KDM5A: variants seen among roughly 807,000 people sequenced by gnomAD.
KDM5A encodes the protein lysine-specific demethylase 5A.
In KDM5A, 42 loss-of-function variants were observed where a neutral mutation model predicts 193.5. The ratio of observed to expected loss-of-function variants is 0.22; its 90% confidence interval spans 0.17 to 0.28. The LOEUF (loss-of-function observed/expected upper bound fraction) is 0.28, where lower values mean the gene tolerates loss of function less well. Among genes scored for constraint, KDM5A ranks in the 10% least tolerant of loss-of-function variants. The probability of loss-of-function intolerance (pLI) is 1.00; values close to 1 mark genes in which losing one functional copy is unlikely to be tolerated. For synonymous variants in KDM5A, 796 were observed against 718.1 expected (o/e 1.11, Z -1.73); for missense variants, 1,692 against 2,055.1 (o/e 0.82, Z 3.42).
intron 13 of KDM5A, 29 bp from the exon 14 acceptor site, chr12:329,058 C>T: frequency 6.3e-7 from 1 of 1,597,564 alleles, no homozygotes; most frequent in Non-Finnish European, 8.6e-7. Context: ...AATTAAATAA[C>T]TCGCTTATAA....
chr12:306,911 A>C (rs1249257608), intron 24 of KDM5A, 35 bp downstream of exon 24: 1 of 1,600,306 alleles, frequency 6.2e-7, no homozygotes, highest in Non-Finnish European at 8.6e-7. Flanking sequence ...CCCAATGATC[A>C]GGTATGTACC....
At chr12:306,355 A>G (rs776319784) in intron 24 of KDM5A, among the ~76,000 whole-genome samples, 15 of 152,194 alleles carry the variant, frequency 9.9e-5, no homozygotes, top group Non-Finnish European at 2.1e-4. Context: ...AAATTGGCCA[A>G]GAAAGCTTTA....
chr12:293,315 TGGA>T, intron 26 of KDM5A, 146 bp from the exon 27 acceptor site: 2 of 683,238 alleles, frequency 2.9e-6, no homozygotes, highest in Non-Finnish European at 4.7e-6. Context: ...GAAGAAGAAA[TGGA>T]GATTTGTTTA....
At chr12:289,580 T>C (rs1374400375) in intron 27 of KDM5A, among the ~76,000 whole-genome samples, 2 of 152,008 alleles carry the variant, frequency 1.3e-5, no homozygotes, top group East Asian at 3.9e-4. Flanking sequence ...GTGGGCATAG[T>C]GGTGTGTGCC....
At chr12:314,248 T>C (rs2137398503) in intron 19 of KDM5A, among the ~76,000 whole-genome samples, 1 of 152,312 alleles carries the variant, frequency 6.6e-6, no homozygotes, top group South Asian at 2.1e-4. Flanking sequence ...CAGGCTGAAG[T>C]GCAGTGGCGC....
chr12:370,597 G>C (rs1260412873), intron 3 of KDM5A, among the ~76,000 whole-genome samples: 1 of 138,806 alleles, frequency 7.2e-6, no homozygotes, highest in Non-Finnish European at 1.6e-5. Context: ...GACCAAAACA[G>C]CTGGGAACAG....
intron 10 of KDM5A, among the ~76,000 whole-genome samples, chr12:342,730 C>T (rs1017620239): frequency 6.1e-5 from 9 of 147,574 alleles, no homozygotes; most frequent in African/African-American, 2.0e-4. Context: ...CCAAAGGGCT[C>T]GAATTACAGG....
At position 283,497 on chromosome 12, in the gene KDM5A, T is replaced by C; in HGVS notation, c.*1959A>G. On this transcript the variant is annotated 3_prime_UTR_variant, in exon 28 of 28. Transcript: ENST00000399788. The stretch of plus-strand genomic sequence containing the variant: ...TTAAGAATGAATAAAAAGTAGGTAG[T>C]ATGAACTTCAGAGAAAACATTTACA... The C allele has an allele frequency of 4.3e-6, 1 of 233,062 alleles. No individual in the cohort carries two copies. Among genetic ancestry groups the C allele is most frequent in the East Asian group, 6.1e-5 (1 of 16,442 alleles). 14.4% of individuals were successfully genotyped at this position (233,062 alleles called of 1,614,324 possible). A position where few individuals can be genotyped will look rare whatever the true frequency, so the allele number is the denominator to read the frequency against.
chr12:359,554 G>C (rs1565545788), intron 5 of KDM5A, among the ~76,000 whole-genome samples: 1 of 151,960 alleles, frequency 6.6e-6, no homozygotes, highest in East Asian at 1.9e-4. Flanking sequence ...AGACCAACCT[G>C]GGCAACATGG....
intron 1 of KDM5A, among the ~76,000 whole-genome samples, chr12:386,807 T>G (rs1944642714): frequency 6.6e-6 from 1 of 152,138 alleles, no homozygotes; most frequent in African/African-American, 2.4e-5. Context: ...AGTCCCACCG[T>G]TTACCTCCCA....
chr12:324,061 C>G (rs1943755116), intron 14 of KDM5A, among the ~76,000 whole-genome samples: 1 of 152,044 alleles, frequency 6.6e-6, no homozygotes, highest in Non-Finnish European at 1.5e-5. Context: ...CATCCCAGCA[C>G]TTTAGGAAGC....
chr12:380,758 C>T (rs1944563340), intron 3 of KDM5A, among the ~76,000 whole-genome samples: 1 of 151,916 alleles, frequency 6.6e-6, no homozygotes, highest in African/African-American at 2.4e-5. Context: ...TTAAAGAGTA[C>T]TACAACATAT....
At position 323,618 on chromosome 12, in the gene KDM5A, A is replaced by G. The variant is rs765222315; in HGVS notation, c.2132T>C (p.Met711Thr). The G allele has an allele frequency of 6.2e-7, 1 of 1,614,160 alleles. No homozygotes were observed. The highest frequency in any genetic ancestry group is 8.5e-7 in the Non-Finnish European group (1 of 1,179,982). ...YHPTDLCPCPMQKKCLRYRYP... is the reference protein window; with the variant it reads ...YHPTDLCPCPTQKKCLRYRYP... Reference sequence around the variant, plus strand: ...TGGATACCTAAGACATTTCTTCTGCATGGGGCAGGGGCACAGATCAGTTGG... The same window carrying G: ...TGGATACCTAAGACATTTCTTCTGCGTGGGGCAGGGGCACAGATCAGTTGG... The change falls in exon 15 of 28, where the codon ATG (methionine) becomes ACG (threonine). Residue 711 changes from methionine (M) to threonine (T), a missense_variant. Met to Thr is a moderately conservative substitution (Grantham distance 81). This residue lies in a region of KDM5A where 88 missense variants were observed against 124.6 expected (regional missense o/e 0.71). Coordinates refer to ENST00000399788, the MANE Select transcript of KDM5A (RefSeq NM_001042603.3).
intron 5 of KDM5A, among the ~76,000 whole-genome samples, chr12:362,258 CAG>C (rs10566833): frequency 0.015 from 2,212 of 148,670 alleles, 50 homozygotes; most frequent in African/African-American, 0.052. Context: ...GAAAAGGAAA[CAG>C]GGGTTTGAAA....
In KDM5A at chr12:354,056, CAT is replaced by C. The variant is rs770915279; in HGVS notation, c.1029+18_1029+19del. 4 of 1,602,174 alleles carry C rather than the reference CAT, an allele frequency of 2.5e-6. No individual in the cohort carries two copies. Among genetic ancestry groups the C allele is most frequent in the Non-Finnish European group, 3.4e-6 (4 of 1,169,562 alleles). Reference sequence around the variant, plus strand: ...TATTATTTTTAGTTAAAAAAGGATCCATAGAGGTTAGACGTGTACCTCGGCGA... The same window carrying C: ...TATTATTTTTAGTTAAAAAAGGATCCAGAGGTTAGACGTGTACCTCGGCGA... On this transcript the variant is annotated intron_variant, in intron 8 of 27. Transcript: ENST00000399788.
chr12:290,506 A>G (rs1252314350), intron 27 of KDM5A, among the ~76,000 whole-genome samples: 1 of 152,236 alleles, frequency 6.6e-6, no homozygotes, highest in African/African-American at 2.4e-5. Context: ...AATGTAGATG[A>G]TAACTCTAGA....
chr12:346,615 C>T (rs1005958320), intron 10 of KDM5A, among the ~76,000 whole-genome samples: 1 of 152,154 alleles, frequency 6.6e-6, no homozygotes, highest in Non-Finnish European at 1.5e-5. Flanking sequence ...GTTCAACATA[C>T]TCAAATCGAT....
chr12:297,158 G>C lies in KDM5A; in HGVS notation c.4117C>G (p.Leu1373Val), dbSNP rs778619871. The C allele has an allele frequency of 1.9e-6, 3 of 1,614,092 alleles. No individual in the cohort carries two copies. The highest frequency in any genetic ancestry group is 1.7e-6 in the Non-Finnish European group (2 of 1,179,980). The change falls in exon 25 of 28, where the codon CTT becomes GTT. Residue 1373 changes from leucine (L) to valine (V), a missense_variant. This residue lies in a region of KDM5A where 965 missense variants were observed against 1,061.0 expected (regional missense o/e 0.91). Coordinates refer to ENST00000399788, the MANE Select transcript of KDM5A (RefSeq NM_001042603.3). ...VKSSSSLEPN[L>V]FCDEEIPIKS... is the part of the protein sequence containing the mutation. ...ATGGGAATCTCTTCATCACAAAAAA[G>C]ATTGGGTTCAAGACTACTAGAGGAC...
At position 307,080 on chromosome 12, in the gene KDM5A, G is replaced by T. The variant is rs773202419; in HGVS notation, c.3940C>A (p.Pro1314Thr). ...TTAAAAGCAGACTGCTGGAAACTAG[G>T]TAAGTGTCCCTAAACAACAAATAAT... ...AANPDLQGHL[P>T]SFQQSAFNRV... is the part of the protein sequence containing the mutation. Residue 1314 changes from proline to threonine, a missense_variant, in exon 24 of 28, where the codon CCT becomes ACT. By Grantham distance (38) the Pro-to-Thr change is conservative. This residue lies in a region of KDM5A where 965 missense variants were observed against 1,061.0 expected (regional missense o/e 0.91). Coordinates refer to ENST00000399788, the MANE Select transcript of KDM5A (RefSeq NM_001042603.3). The surrounding 1 kb of genome is among the most constrained non-coding windows in gnomAD (Gnocchi z 4.3). 8.1e-6 allele frequency: 13 copies of T among 1,613,970 alleles called. No homozygotes were observed. Among genetic ancestry groups the T allele is most frequent in the South Asian group, 4.4e-5 (4 of 91,084 alleles).
Sources: allele counts gnomAD v4.1 joint callset (sites outside exome capture counted in the v4.1 genomes callset), GRCh38; gene constraint gnomAD v4.1.1; regional missense constraint gnomAD v4.1.1; non-coding constraint Gnocchi (gnomAD v3.1); transcripts MANE v1.5; gene names NCBI Gene and HGNC (gene_info 2026-07-23, HGNC 2026-07-21).